Variants in KIFAP3 observed in about 807,000 individuals in gnomAD.
KIFAP3 encodes the protein kinesin associated protein 3, also known as kinesin-associated protein 3.
Under a neutral mutation model 106.5 loss-of-function variants are expected in KIFAP3, and 68 were observed. The ratio of observed to expected loss-of-function variants is 0.64; its 90% CI spans 0.53 to 0.78. The LOEUF (loss-of-function observed/expected upper bound fraction) is 0.78, where lower values mean the gene tolerates loss of function less well. Among genes scored for constraint, KIFAP3 ranks in the 30% least tolerant of loss-of-function variants. The pLI is 0.00. For synonymous variants in KIFAP3, 320 were observed against 311.5 expected (o/e 1.03, Z -0.29); for missense variants, 780 against 941.8 (o/e 0.83, Z 2.25).
At chr1:169,950,284 TGCCA>T in intron 19 of KIFAP3, among the ~76,000 whole-genome samples, 1 of 152,316 alleles carries the variant, frequency 6.6e-6, no homozygotes, top group Admixed American at 6.5e-5. Flanking sequence ...CTGAAGAGTA[TGCCA>T]CTTGGCACTG....
In KIFAP3 at chr1:169,951,442, G is replaced by T. The variant is rs141038170; in HGVS notation, c.2273+2569C>A. ...AATATTACTGGGATATGTCTTTTGT[G>T]AAGTAAAAGAAGCTACTTACATATT... On this transcript the variant is annotated intron_variant, in intron 19 of 19. Transcript: ENST00000361580. 4.7e-3 allele frequency among the ~76,000 whole-genome samples: 719 copies of T among 151,876 alleles called. 8 individuals carry two copies. The highest frequency in any genetic ancestry group is 0.016 in the African/African-American group (668 of 41,494).
Position 169,992,141 on chromosome 1 carries a change from C to T in KIFAP3, c.1284+14G>A, listed in dbSNP as rs369814121. 32 of 1,309,814 alleles carry T rather than the reference C, an allele frequency of 2.4e-5. No individual in the cohort carries two copies. The highest frequency in any genetic ancestry group is 3.1e-5 in the Non-Finnish European group (30 of 969,398). 81.1% of individuals were successfully genotyped at this position (1,309,814 alleles called of 1,614,324 possible). On this transcript the variant is annotated intron_variant, in intron 11 of 19. Transcript: ENST00000361580. Reference sequence around the variant, plus strand: ...TTTGTTAAATGTTTTTCATAAAACACTTAAACCACTTACCTGTGGTATACA... The same window carrying T: ...TTTGTTAAATGTTTTTCATAAAACATTTAAACCACTTACCTGTGGTATACA...
intron 17 of KIFAP3, among the ~76,000 whole-genome samples, chr1:169,969,130 A>G (rs1665777971): frequency 6.6e-6 from 1 of 152,032 alleles, no homozygotes; most frequent in African/African-American, 2.4e-5. Context: ...AGAAAATTTT[A>G]GAAATTTCTG....
chr1:169,922,723 T>G (rs1026565850), intron 19 of KIFAP3, among the ~76,000 whole-genome samples: 1 of 152,180 alleles, frequency 6.6e-6, no homozygotes, highest in Non-Finnish European at 1.5e-5. Context: ...GAGCTTGACT[T>G]CCAATCAATG....
intron 10 of KIFAP3, among the ~76,000 whole-genome samples, chr1:170,004,516 C>T (rs1201143329): frequency 2.0e-5 from 3 of 151,508 alleles, no homozygotes; most frequent in East Asian, 1.9e-4. Flanking sequence ...GAGATATAGA[C>T]CAATGGAACA....
chr1:169,927,366 T>C (rs1663201028), intron 19 of KIFAP3, among the ~76,000 whole-genome samples: 1 of 152,190 alleles, frequency 6.6e-6, no homozygotes, highest in African/African-American at 2.4e-5. Flanking sequence ...CTGTAGCATA[T>C]GTATAAATTG....
At chr1:170,014,981 C>T (rs950961921) in intron 10 of KIFAP3, among the ~76,000 whole-genome samples, 15 of 152,154 alleles carry the variant, frequency 9.9e-5, no homozygotes, top group Admixed American at 3.3e-4. Context: ...CCCAAGGTCA[C>T]ATGGTTAGAT....
intron 9 of KIFAP3, among the ~76,000 whole-genome samples, chr1:170,017,220 G>C (rs1415474065): frequency 3.0e-5 from 4 of 134,498 alleles, no homozygotes; most frequent in African/African-American, 1.1e-4. Context: ...TCATGCTACT[G>C]CATTCCAGCC....
In KIFAP3 at chr1:170,034,487, T is replaced by C. The variant is rs773520476; in HGVS notation, c.627A>G (p.Gln209=). 2.8e-6 allele frequency: 4 copies of C among 1,446,944 alleles called. No individual in the cohort carries two copies. The highest frequency in any genetic ancestry group is 2.9e-5 in the African/African-American group (2 of 69,786). 89.6% of individuals were successfully genotyped at this position (1,446,944 alleles called of 1,614,324 possible). ...TATAGTGAGTAATAAGTCCATGAAATTGAGAAAAGCTTTAAAGAAGACATT... is the reference window on the plus strand; with the variant it reads ...TATAGTGAGTAATAAGTCCATGAAACTGAGAAAAGCTTTAAAGAAGACATT... ...YIFFCFSSFS[Q]FHGLITHYKI... Residue 209 remains glutamine, a synonymous_variant, in exon 7 of 20, where the codon CAA becomes CAG. Transcript: ENST00000361580.
chr1:170,013,844 T>C (rs1294650875), intron 10 of KIFAP3, among the ~76,000 whole-genome samples: 2 of 152,180 alleles, frequency 1.3e-5, no homozygotes. Context: ...AATGTAGCAA[T>C]ATGAATTTGT....
chr1:169,989,558 T>G (rs1666999220), intron 11 of KIFAP3, among the ~76,000 whole-genome samples: 1 of 152,034 alleles, frequency 6.6e-6, no homozygotes, highest in African/African-American at 2.4e-5. Context: ...TCACTTTGAC[T>G]TGGCTACTCT....
At chr1:169,971,098 A>T (rs976185823) in intron 17 of KIFAP3, among the ~76,000 whole-genome samples, 1 of 152,028 alleles carries the variant, frequency 6.6e-6, no homozygotes, top group African/African-American at 2.4e-5. Flanking sequence ...GGCCTTTGAG[A>T]ACTATCAACT....
At chr1:169,933,459 AT>A (rs1233298889) in intron 19 of KIFAP3, among the ~76,000 whole-genome samples, 1 of 151,958 alleles carries the variant, frequency 6.6e-6, no homozygotes, top group Non-Finnish European at 1.5e-5. Context: ...AGGTAAATTC[AT>A]TTTCTGCTCA....
intron 9 of KIFAP3, among the ~76,000 whole-genome samples, chr1:170,022,548 C>G (rs1254655046): frequency 6.6e-6 from 1 of 152,124 alleles, no homozygotes; most frequent in Non-Finnish European, 1.5e-5. Flanking sequence ...CTCTGGTCCT[C>G]TCCTACTTCA....
intron 17 of KIFAP3, among the ~76,000 whole-genome samples, chr1:169,971,551 C>A (rs1665920343): frequency 6.6e-6 from 1 of 151,972 alleles, no homozygotes; most frequent in African/African-American, 2.4e-5. Flanking sequence ...ATCCAAAAAA[C>A]AGATGATATC....
At chr1:170,066,526 C>T (rs1239587231) in intron 1 of KIFAP3, among the ~76,000 whole-genome samples, 1 of 151,868 alleles carries the variant, frequency 6.6e-6, no homozygotes, top group Non-Finnish European at 1.5e-5. Flanking sequence ...TAAAAAGGCA[C>T]AAAAAATTAC....
chr1:169,936,356 T>C (rs1663799293), intron 19 of KIFAP3, among the ~76,000 whole-genome samples: 1 of 151,796 alleles, frequency 6.6e-6, no homozygotes, highest in Non-Finnish European at 1.5e-5. Flanking sequence ...TTATTCAAAT[T>C]ACATTTTTTA....
chr1:169,984,471 T>C (rs1666684910), intron 12 of KIFAP3, 111 bp downstream of exon 12: 9 of 477,336 alleles, frequency 1.9e-5, no homozygotes, highest in South Asian at 4.9e-5. Flanking sequence ...AAGAAATTAT[T>C]TGAAAACAGG....
At chr1:170,060,987 C>T (rs1671120277) in intron 1 of KIFAP3, among the ~76,000 whole-genome samples, 1 of 152,180 alleles carries the variant, frequency 6.6e-6, no homozygotes, top group African/African-American at 2.4e-5. Flanking sequence ...GGATCCCTTC[C>T]TTACACCTTA....
Sources: gnomAD v4.1 joint callset for allele counts (sites outside exome capture counted in the v4.1 genomes callset) on GRCh38, gnomAD v4.1.1 for gene constraint, MANE v1.5 for transcripts, NCBI Gene and HGNC (gene_info 2026-07-23, HGNC 2026-07-21) for gene names.